HDC: variants seen among roughly 807,000 people sequenced by gnomAD.
HDC encodes histidine decarboxylase.
A neutral mutation model predicts 64.4 loss-of-function variants in HDC; 27 were observed. The observed-to-expected ratio is 0.42, with a 90% CI of 0.31 to 0.58. The LOEUF (loss-of-function observed/expected upper bound fraction) is 0.58. Among genes scored for constraint, HDC ranks in the 20% least tolerant of loss-of-function variants. The pLI is 0.16. For synonymous variants in HDC, 305 were observed against 314.2 expected, an observed-to-expected ratio of 0.97 and a Z score of 0.31; for missense variants, 711 against 833.9, an observed-to-expected ratio of 0.85 and a Z score of 1.81.
In HDC at chr15:50,263,348, T is replaced by A. The variant is rs1304055904; in HGVS notation, c.91A>T (p.Thr31Ser). The A allele has an allele frequency of 6.2e-7, 1 of 1,614,048 alleles. No homozygotes were observed. The highest frequency in any genetic ancestry group is 8.5e-7 in the Non-Finnish European group (1 of 1,180,008). Reference protein sequence around the residue: ...YLSTVRERRVTPDVQPGYLRA... With the variant: ...YLSTVRERRVSPDVQPGYLRA... ...AGGTAGCCAGGCTGCACGTCTGGCG[T>A]CACACGTCTCTCCCGCACAGTGCTC... is the stretch of plus-strand genomic sequence containing the variant. Residue 31 changes from threonine (T) to serine (S), a missense_variant, in exon 2 of 12, where the codon ACG becomes TCG. Thr to Ser is a moderately conservative substitution (Grantham distance 58, BLOSUM62 1). Around this residue, in one of 3 missense-constraint regions of HDC, gnomAD observed 225 missense variants for 276.2 expected, o/e 0.81. Transcript: ENST00000267845.
Position 50,252,471 on chromosome 15 carries a change from A to G in HDC, c.1000T>C (p.Tyr334His). 6.2e-7 allele frequency: 1 copy of G among 1,614,202 alleles called. No homozygotes were observed. The highest frequency in any genetic ancestry group is 8.5e-7 in the Non-Finnish European group (1 of 1,180,026). ...LQQTFSVNPI[Y>H]LRHANSGVAT... ...ACGCCTGAGTTGGCATGCCTGAGGT[A>G]GATGGGATTCACACTGAAGGTCTGC... Residue 334 changes from tyrosine to histidine, a missense_variant, in exon 9 of 12, where the codon TAC becomes CAC. Transcript: ENST00000267845.
At chr15:50,250,170 C>G (rs1017918266) in intron 9 of HDC, among the ~76,000 whole-genome samples, 4 of 152,206 alleles carry the variant, frequency 2.6e-5, no homozygotes, top group Non-Finnish European at 5.9e-5. Flanking sequence ...GGTTAAGCAC[C>G]TAAGTCTTCT....
chr15:50,249,340 G>A (rs929950649), intron 9 of HDC, among the ~76,000 whole-genome samples: 3 of 152,076 alleles, frequency 2.0e-5, no homozygotes, highest in African/African-American at 4.8e-5. Context: ...TCCCTCAAAC[G>A]TCAGAAAGTT....
At chr15:50,250,541 C>T (rs180816524) in intron 9 of HDC, among the ~76,000 whole-genome samples, 135 of 152,116 alleles carry the variant, frequency 8.9e-4, no homozygotes, top group East Asian at 2.3e-3. Context: ...GAATGAACCC[C>T]GGGAAGATCC....
At chr15:50,264,503 A>C (rs1341224972) in intron 1 of HDC, among the ~76,000 whole-genome samples, 4 of 152,228 alleles carry the variant, frequency 2.6e-5, no homozygotes, top group Admixed American at 6.5e-5. Context: ...AAGGAAGGAA[A>C]AAAAAGTCAA....
intron 7 of HDC, chr15:50,253,374 C>T (rs2045583694): frequency 1.7e-6 from 1 of 604,698 alleles, no homozygotes; most frequent in Admixed American, 2.5e-5. Flanking sequence ...CCTCCTAGGA[C>T]AGGAGGCAAG....
At chr15:50,243,358 TG>T in intron 10 of HDC, 114 bp from the exon 11 acceptor site, 1 of 774,840 alleles carries the variant, frequency 1.3e-6, no homozygotes, top group Non-Finnish European at 2.3e-6. Flanking sequence ...TCACAGCCGT[TG>T]TAAGCGGCTT....
chr15:50,248,342 T>C lies in HDC; in HGVS notation c.1043A>G (p.His348Arg). 2.5e-6 allele frequency: 4 copies of C among 1,612,074 alleles called. No individual in the cohort carries two copies. The highest frequency in any genetic ancestry group is 3.4e-6 in the Non-Finnish European group (4 of 1,178,240). The change falls in exon 10 of 12, where the codon CAC becomes CGC. Residue 348 changes from histidine (H) to arginine (R), a missense_variant and splice_region_variant. His to Arg is a conservative substitution (Grantham distance 29). Around this residue, in one of 3 missense-constraint regions of HDC, gnomAD observed 483 missense variants for 540.9 expected, o/e 0.89. Transcript: ENST00000267845. The surrounding 1 kb of genome is among the most constrained non-coding windows in gnomAD (Gnocchi z 4.3). Reference sequence around the variant, plus strand: ...CCGTCGGCTCAGGGGGATCTGCCAGTGCTAGAAACAAAGGAACACAGTGCC... The same window carrying C: ...CCGTCGGCTCAGGGGGATCTGCCAGCGCTAGAAACAAAGGAACACAGTGCC... ...ANSGVATDFM[H>R]WQIPLSRRFR...
intron 10 of HDC, 145 bp from the exon 11 acceptor site, chr15:50,243,389 A>T: frequency 1.4e-6 from 1 of 701,764 alleles, no homozygotes; most frequent in East Asian, 2.7e-5. Context: ...TGTCATCTCC[A>T]TTTGATTTTG....
At chr15:50,261,638 A>T (rs2045703922) in intron 2 of HDC, among the ~76,000 whole-genome samples, 1 of 151,550 alleles carries the variant, frequency 6.6e-6, no homozygotes, top group South Asian at 2.1e-4. Flanking sequence ...AAAAAAAAAA[A>T]AAAAAGTCAA....
Position 50,254,282 on chromosome 15 carries a change from G to C in HDC, c.577-9C>G, listed in dbSNP as rs372062945. On this transcript the variant is annotated splice_polypyrimidine_tract_variant and intron_variant, in intron 5 of 11. Coordinates refer to ENST00000267845, the MANE Select transcript of HDC (RefSeq NM_002112.4). Reference sequence around the variant, plus strand: ...TCCACAGAGGAGTGAGCCTAGAAGGGCCACAGAAACCTGTCAGCAAAGAGT... The same window carrying C: ...TCCACAGAGGAGTGAGCCTAGAAGGCCCACAGAAACCTGTCAGCAAAGAGT... 90 of 1,613,954 alleles carry C rather than the reference G, an allele frequency of 5.6e-5. No homozygotes were observed. The highest frequency in any genetic ancestry group is 6.8e-5 in the Non-Finnish European group (80 of 1,179,994).
At chr15:50,250,932 C>T (rs971744400) in intron 9 of HDC, among the ~76,000 whole-genome samples, 8 of 152,074 alleles carry the variant, frequency 5.3e-5, no homozygotes, top group Non-Finnish European at 1.2e-4. Flanking sequence ...GGGAGAATAG[C>T]CAGTATAATC....
intron 10 of HDC, among the ~76,000 whole-genome samples, chr15:50,247,391 AT>A (rs145567040): frequency 3.9e-5 from 6 of 152,122 alleles, no homozygotes; most frequent in Non-Finnish European, 7.4e-5. Context: ...CATAATAATT[AT>A]TTTTTTTAAA....
intron 9 of HDC, among the ~76,000 whole-genome samples, chr15:50,250,854 G>A (rs866838879): frequency 2.0e-5 from 3 of 152,148 alleles, no homozygotes; most frequent in Admixed American, 6.5e-5. Context: ...CCAGTAAGCC[G>A]TGAGGCTTAC....
In HDC at chr15:50,248,322, G is replaced by A. The variant is rs1337480983; in HGVS notation, c.1063C>T (p.Arg355Ter). The A allele has an allele frequency of 1.5e-5, 24 of 1,613,760 alleles. No homozygotes were observed. Among genetic ancestry groups the A allele is most frequent in the East Asian group, 4.5e-5 (2 of 44,890 alleles). The part of the protein sequence containing the change: ...DFMHWQIPLS[R>*]RFRSVKLWFV... The stretch of plus-strand genomic sequence containing the variant: ...CAGAGTTTAACAGAGCGAAACCGTC[G>A]GCTCAGGGGGATCTGCCAGTGCTAG... The change falls in exon 10 of 12, where the codon CGA becomes TGA. Residue 355 changes from arginine (R) to a stop codon, truncating the protein, a stop_gained. Coordinates refer to ENST00000267845, the MANE Select transcript of HDC (RefSeq NM_002112.4). LOFTEE classifies it high-confidence loss of function. This position sits in a 1 kb window ranked among gnomAD's most constrained non-coding sequence, Gnocchi z 4.3.
chr15:50,248,372 G>T lies in HDC; in HGVS notation c.1042-29C>A, dbSNP rs748401014. On this transcript the variant is annotated intron_variant, in intron 9 of 11. Coordinates refer to ENST00000267845, the MANE Select transcript of HDC (RefSeq NM_002112.4). The surrounding 1 kb of genome is among the most constrained non-coding windows in gnomAD (Gnocchi z 4.3). The stretch of plus-strand genomic sequence containing the variant: ...GAAACAAAGGAACACAGTGCCCAAG[G>T]TTAGAGACAAGGGTGCCCCACTCCC... The T allele has an allele frequency of 5.8e-6, 9 of 1,539,604 alleles. No homozygotes were observed. Among genetic ancestry groups the T allele is most frequent in the South Asian group, 1.1e-5 (1 of 89,426 alleles).
intron 2 of HDC, among the ~76,000 whole-genome samples, chr15:50,261,030 G>C (rs1410252579): frequency 1.3e-5 from 2 of 152,174 alleles, no homozygotes; most frequent in African/African-American, 4.8e-5. Flanking sequence ...TCAGAGGCTG[G>C]TGTGGCCTGA....
chr15:50,259,513 A>C (rs529614650), intron 2 of HDC, among the ~76,000 whole-genome samples: 2 of 152,176 alleles, frequency 1.3e-5, no homozygotes, highest in Non-Finnish European at 2.9e-5. Context: ...CATCGGCCTC[A>C]TGGATTATCT....
At chr15:50,245,164 C>T (rs1053225637) in intron 10 of HDC, among the ~76,000 whole-genome samples, 7 of 152,220 alleles carry the variant, frequency 4.6e-5, no homozygotes, top group Admixed American at 2.0e-4. Context: ...TGCCCTGCAC[C>T]GCTCTAGGTC....
Sources: allele counts gnomAD v4.1 joint callset (sites outside exome capture counted in the v4.1 genomes callset), GRCh38; gene constraint gnomAD v4.1.1; regional missense constraint gnomAD v4.1.1; non-coding constraint Gnocchi (gnomAD v3.1); transcripts MANE v1.5; gene names NCBI Gene and HGNC (gene_info 2026-07-23, HGNC 2026-07-21).